The following PKD1L1 variants were observed in gnomAD, a reference collection of about 807,000 sequenced individuals.
PKD1L1 encodes polycystin 1 like 1, transient receptor potential channel interacting.
PKD1L1 carries 236 observed loss-of-function variants against 323.4 expected under a neutral mutation model. That is an observed-to-expected ratio of 0.73 (90% CI 0.66 to 0.81). PKD1L1 has a LOEUF of 0.81. Ranked by LOEUF, PKD1L1 falls within the 40% of genes least tolerant of loss-of-function variation. The pLI is 0.00. For missense variants in PKD1L1, 3,320 were observed against 3,508.0 expected, an observed-to-expected ratio of 0.95 and a Z score of 1.35; for synonymous variants, 1,344 against 1,335.0, an observed-to-expected ratio of 1.01 and a Z score of -0.15.
In PKD1L1 at chr7:47,840,351, C is replaced by A; in HGVS notation, c.5552+110G>T. Reference sequence around the variant, plus strand: ...TTGTTTGTATATAAATCGATGCTCACTATTAGAGACCAATGTTATGTATTC... The same window carrying A: ...TTGTTTGTATATAAATCGATGCTCAATATTAGAGACCAATGTTATGTATTC... On this transcript the variant is annotated intron_variant, in intron 35 of 56. Transcript: ENST00000289672. The surrounding 1 kb of genome is among the most constrained non-coding windows in gnomAD (Gnocchi z 4.1). 2 of 718,808 alleles carry A rather than the reference C, an allele frequency of 2.8e-6. No homozygotes were observed. Among genetic ancestry groups the A allele is most frequent in the Non-Finnish European group, 4.8e-6 (2 of 416,554 alleles). 44.5% of individuals were successfully genotyped at this position (718,808 alleles called of 1,614,324 possible). A position where few individuals can be genotyped will look rare whatever the true frequency, so the allele number is the denominator to read the frequency against.
At chr7:47,900,895 C>T (rs1199509276) in intron 13 of PKD1L1, among the ~76,000 whole-genome samples, 2 of 152,128 alleles carry the variant, frequency 1.3e-5, no homozygotes, top group African/African-American at 2.4e-5. Flanking sequence ...GCTCACACTG[C>T]AACCCAGGTT....
At chr7:47,929,758 G>A (rs528387208) in intron 6 of PKD1L1, among the ~76,000 whole-genome samples, 3 of 152,274 alleles carry the variant, frequency 2.0e-5, no homozygotes, top group South Asian at 4.1e-4. Flanking sequence ...TGACCCACTG[G>A]GTCAGAAACT....
rs753278473 is a variant in PKD1L1 at position 47,890,727 on chromosome 7, T to G, written c.2490A>C (p.Ala830=). The G allele has an allele frequency of 2.5e-6, 4 of 1,613,020 alleles. No individual in the cohort carries two copies. The Admixed American group carries it at 5.0e-5, about 20-fold the overall frequency. The change falls in exon 16 of 57, where the codon GCA becomes GCC. Residue 830 remains alanine, a synonymous_variant. Coordinates refer to ENST00000289672, the MANE Select transcript of PKD1L1 (RefSeq NM_138295.5). ...HWECATAGSP[A]HPCFDSSTAH... is the part of the protein sequence containing the mutation. Reference sequence around the variant, plus strand: ...CAGTGGAGGAGTCGAAGCAGGGATGTGCTGGGGAGCCAGCGGTGGCGCATT... The same window carrying G: ...CAGTGGAGGAGTCGAAGCAGGGATGGGCTGGGGAGCCAGCGGTGGCGCATT...
At chr7:47,785,736 A>ATTTC (rs1008217198) in intron 56 of PKD1L1, among the ~76,000 whole-genome samples, 9 of 144,956 alleles carry the variant, frequency 6.2e-5, no homozygotes, top group Non-Finnish European at 1.2e-4. Flanking sequence ...CCGAGTTGAT[A>ATTTC]TTTCTTTCTT....
intron 16 of PKD1L1, among the ~76,000 whole-genome samples, chr7:47,889,438 A>G (rs1018271734): frequency 3.3e-5 from 5 of 152,174 alleles, no homozygotes; most frequent in Non-Finnish European, 7.3e-5. Flanking sequence ...CACTTTTAGT[A>G]CATATCCAGA....
chr7:47,938,810 G>A (rs531580339), intron 3 of PKD1L1, among the ~76,000 whole-genome samples: 1 of 152,336 alleles, frequency 6.6e-6, no homozygotes, highest in East Asian at 1.9e-4. Context: ...TGGGTGGGGT[G>A]GGGTTGAAGC....
Position 47,929,253 on chromosome 7 carries a change from G to C in PKD1L1, c.1011C>G (p.His337Gln), listed in dbSNP as rs148481862. Residue 337 changes from histidine (H) to glutamine (Q), a missense_variant, in exon 7 of 57, where the codon CAC becomes CAG. Physicochemically the swap from His to Gln is conservative, Grantham distance 24. Coordinates refer to ENST00000289672, the MANE Select transcript of PKD1L1 (RefSeq NM_138295.5). ...TCACCGCCATTGCCTCAGACATGTTGTGTAGCCTCATTTCAACCCCAGAAC... is the reference window on the plus strand; with the variant it reads ...TCACCGCCATTGCCTCAGACATGTTCTGTAGCCTCATTTCAACCCCAGAAC... ...GDSSGVEMRL[H>Q]NMSEAMAVTA... 3.7e-4 allele frequency: 604 copies of C among 1,614,146 alleles called. 4 individuals carry two copies. In the African/African-American group the frequency reaches 6.6e-3, roughly 18 times the overall value.
In PKD1L1 at chr7:47,852,872, C is replaced by T. The variant is rs192120915; in HGVS notation, c.4960+255G>A. On this transcript the variant is annotated intron_variant, in intron 31 of 56. Transcript: ENST00000289672. Reference sequence around the variant, plus strand: ...CAGAGCCCTAAGGATCAGGAGGAGGCGCCAGAGACCACCTGGGAAGAGATG... The same window carrying T: ...CAGAGCCCTAAGGATCAGGAGGAGGTGCCAGAGACCACCTGGGAAGAGATG... 4.1e-4 allele frequency among the ~76,000 whole-genome samples: 62 copies of T among 152,110 alleles called. No homozygotes were observed. In the East Asian group the frequency reaches 4.6e-3, roughly 11 times the overall value.
At chr7:47,800,004 G>A (rs1365801983) in intron 54 of PKD1L1, among the ~76,000 whole-genome samples, 3 of 152,138 alleles carry the variant, frequency 2.0e-5, no homozygotes, top group Non-Finnish European at 1.5e-5. Flanking sequence ...CTGCTGCAGG[G>A]GGCTTACTAA....
intron 14 of PKD1L1, 90 bp from the exon 15 acceptor site, chr7:47,894,149 A>C: frequency 8.0e-7 from 1 of 1,251,342 alleles, no homozygotes; most frequent in Non-Finnish European, 1.1e-6. Context: ...TTAGAAAGGA[A>C]GCCGACGAGT....
At chr7:47,783,578 G>T (rs1373332970) in intron 56 of PKD1L1, among the ~76,000 whole-genome samples, 2 of 152,174 alleles carry the variant, frequency 1.3e-5, no homozygotes, top group African/African-American at 4.8e-5. Context: ...GGTAATTAGG[G>T]TCGGTCCTAA....
intron 24 of PKD1L1, 80 bp downstream of exon 24, chr7:47,873,819 G>T: frequency 1.9e-6 from 2 of 1,075,334 alleles, no homozygotes; most frequent in Non-Finnish European, 2.7e-6. Flanking sequence ...TTTGACGCTT[G>T]TTAACAACTT....
At chr7:47,921,846 G>A (rs7791003) in intron 7 of PKD1L1, among the ~76,000 whole-genome samples, 17,026 of 151,892 alleles carry the variant, frequency 0.11, 1,118 homozygotes, top group East Asian at 0.25. Context: ...CTATGAGGAT[G>A]CTAAGGCATA....
intron 53 of PKD1L1, among the ~76,000 whole-genome samples, chr7:47,802,308 G>A (rs185137670): frequency 7.2e-4 from 109 of 152,132 alleles, no homozygotes; most frequent in Non-Finnish European, 1.2e-3. Flanking sequence ...AGTAACCTTC[G>A]GGGCAAATGT....
In PKD1L1 at chr7:47,837,113, G is replaced by T; in HGVS notation, c.5770-19C>A. On this transcript the variant is annotated intron_variant, in intron 36 of 56. Transcript: ENST00000289672. The stretch of plus-strand genomic sequence containing the variant: ...AGAAAAGCTGAAACGGAAAGCAGGA[G>T]AAGTGTTCCCTGACATGGAGCATTT... The T allele has an allele frequency of 6.2e-7, 1 of 1,612,864 alleles. No homozygotes were observed. The highest frequency in any genetic ancestry group is 2.2e-5 in the East Asian group (1 of 44,838).
At chr7:47,954,775 G>C in the PKD1L1 span, among the ~76,000 whole-genome samples, 2 of 152,176 alleles carry the variant, frequency 1.3e-5, no homozygotes, top group African/African-American at 4.8e-5. Context: ...AGCATGTTTA[G>C]TCACTGTTAG....
At chr7:47,908,567 A>C (rs544925185) in intron 8 of PKD1L1, among the ~76,000 whole-genome samples, 2 of 152,334 alleles carry the variant, frequency 1.3e-5, no homozygotes, top group Non-Finnish European at 2.9e-5. Flanking sequence ...AATCCTCTGC[A>C]GTAGGAAATA....
intron 26 of PKD1L1, among the ~76,000 whole-genome samples, chr7:47,863,200 G>T (rs767186689): frequency 2.6e-5 from 4 of 152,172 alleles, no homozygotes; most frequent in Non-Finnish European, 4.4e-5. Flanking sequence ...GGACGGTGCT[G>T]CCCTGTCCTG....
Position 47,840,626 on chromosome 7 carries a change from G to A in PKD1L1, c.5446-59C>T. On this transcript the variant is annotated intron_variant, in intron 34 of 56. Transcript: ENST00000289672. This position sits in a 1 kb window ranked among gnomAD's most constrained non-coding sequence, Gnocchi z 4.1. ...TATTTCACAGCAGACACCATGCAAT[G>A]CTGGGCAGGGCTTCCTCGCACTTTC... The A allele has an allele frequency of 3.9e-6, 5 of 1,293,356 alleles. No homozygotes were observed. The highest frequency in any genetic ancestry group is 4.5e-6 in the Non-Finnish European group (4 of 895,868). The allele number at this position is 1,293,356 out of a possible 1,614,324, so 80.1% of individuals were successfully genotyped here.
Sources: gnomAD v4.1 joint callset for allele counts (sites outside exome capture counted in the v4.1 genomes callset) on GRCh38, gnomAD v4.1.1 for gene constraint, Gnocchi (gnomAD v3.1) non-coding constraint, MANE v1.5 for transcripts, NCBI Gene and HGNC (gene_info 2026-07-23, HGNC 2026-07-21) for gene names.